The following CNTLN variants were observed in gnomAD, a reference collection of about 807,000 sequenced individuals.
CNTLN encodes the protein centlein, centrosomal protein.
Under a neutral mutation model 180.0 loss-of-function variants are expected in CNTLN, and 212 were observed. That is an observed-to-expected ratio of 1.18 (90% confidence interval 1.05 to 1.32). The LOEUF is 1.32. Ranked by LOEUF, CNTLN falls within the 40% of genes most tolerant of loss-of-function variation. CNTLN has a pLI of 0.00. For missense variants in CNTLN, 2,095 were observed against 1,610.9 expected, an observed-to-expected ratio of 1.30 and a Z score of -5.14; for synonymous variants, 722 against 563.1, an observed-to-expected ratio of 1.28 and a Z score of -3.99.
chr9:17,352,055 GT>G (rs1410099236), intron 12 of CNTLN, among the ~76,000 whole-genome samples: 2 of 151,986 alleles, frequency 1.3e-5, no homozygotes, highest in African/African-American at 4.8e-5. Flanking sequence ...TAGTAAAGGG[GT>G]TTTGAATTCA....
At chr9:17,446,784 A>G (rs1830450453) in intron 18 of CNTLN, among the ~76,000 whole-genome samples, 1 of 152,170 alleles carries the variant, frequency 6.6e-6, no homozygotes, top group African/African-American at 2.4e-5. Flanking sequence ...TTAGAGCAAT[A>G]AAATACCATA....
chr9:17,369,421 G>A (rs928978514), intron 13 of CNTLN, among the ~76,000 whole-genome samples: 18 of 151,958 alleles, frequency 1.2e-4, no homozygotes, highest in African/African-American at 4.1e-4. Context: ...TCAAACAAAC[G>A]AAATGAGGCA....
chr9:17,387,876 A>T (rs1825801972), intron 13 of CNTLN, among the ~76,000 whole-genome samples: 1 of 152,012 alleles, frequency 6.6e-6, no homozygotes, highest in Non-Finnish European at 1.5e-5. Flanking sequence ...TCTACAAAAG[A>T]ATGAAAATAG....
chr9:17,266,677 C>T (rs554790777), intron 5 of CNTLN, among the ~76,000 whole-genome samples: 1 of 152,092 alleles, frequency 6.6e-6, no homozygotes, highest in South Asian at 2.1e-4. Context: ...GAGTCTAAGT[C>T]TCTTTGTAGG....
intron 12 of CNTLN, among the ~76,000 whole-genome samples, chr9:17,356,475 C>T (rs1355400702): frequency 6.6e-6 from 1 of 152,146 alleles, no homozygotes; most frequent in South Asian, 2.1e-4. Flanking sequence ...GAGTCTGATG[C>T]AACATGACTT....
chr9:17,521,265 A>AAGAGAGAGAGGG, the CNTLN span, among the ~76,000 whole-genome samples: 123 of 118,606 alleles, frequency 1.0e-3, 1 homozygote, highest in Admixed American at 2.4e-3. Flanking sequence ...AAGGGAGAAA[A>AAGAGAGAGAGGG]AGAGAGAGAG....
the CNTLN span, among the ~76,000 whole-genome samples, chr9:17,517,512 TCAATA>T: frequency 1.3e-5 from 2 of 152,094 alleles, no homozygotes; most frequent in Non-Finnish European, 2.9e-5. Context: ...GAGCCCACAT[TCAATA>T]CCTAGTGTCC....
At chr9:17,426,124 G>T (rs1219581065) in intron 18 of CNTLN, among the ~76,000 whole-genome samples, 1 of 152,162 alleles carries the variant, frequency 6.6e-6, no homozygotes, top group Non-Finnish European at 1.5e-5. Context: ...AACCAGCTGG[G>T]TCTAAAGGAA....
chr9:17,370,669 C>T (rs1001460980), intron 13 of CNTLN, among the ~76,000 whole-genome samples: 20 of 151,878 alleles, frequency 1.3e-4, no homozygotes, highest in South Asian at 6.2e-4. Context: ...ATTGTAATAC[C>T]GTAACAGTGG....
chr9:17,158,273 A>G (rs1819438220), intron 2 of CNTLN, among the ~76,000 whole-genome samples: 2 of 152,022 alleles, frequency 1.3e-5, no homozygotes. Flanking sequence ...TAATTTTTTT[A>G]TATGTTCCCG....
chr9:17,509,126 T>C, the CNTLN span, among the ~76,000 whole-genome samples: 5 of 152,158 alleles, frequency 3.3e-5, no homozygotes, highest in East Asian at 5.8e-4. Flanking sequence ...GTGGCAGGGA[T>C]AGAAGTTATG....
At chr9:17,473,485 C>A (rs918689452) in intron 23 of CNTLN, among the ~76,000 whole-genome samples, 1 of 152,038 alleles carries the variant, frequency 6.6e-6, no homozygotes, top group Non-Finnish European at 1.5e-5. Context: ...GATTTTATCT[C>A]CTCATATTCG....
At chr9:17,460,551 T>A (rs1204161415) in intron 19 of CNTLN, among the ~76,000 whole-genome samples, 1 of 151,734 alleles carries the variant, frequency 6.6e-6, no homozygotes, top group East Asian at 1.9e-4. Flanking sequence ...TCTCTAGAGG[T>A]CTAAAGCAGG....
chr9:17,363,228 G>C (rs1044171207), intron 12 of CNTLN, among the ~76,000 whole-genome samples: 4 of 152,148 alleles, frequency 2.6e-5, no homozygotes, highest in Admixed American at 2.6e-4. Flanking sequence ...ATAATCCTCT[G>C]GGTATACCCA....
At chr9:17,227,543 A>G (rs997932417) in intron 3 of CNTLN, among the ~76,000 whole-genome samples, 1 of 151,946 alleles carries the variant, frequency 6.6e-6, no homozygotes, top group African/African-American at 2.4e-5. Context: ...CTTGGGAGGT[A>G]CCTTTTTGGC....
At chr9:17,500,616 C>T (rs1833695335) in intron 25 of CNTLN, among the ~76,000 whole-genome samples, 1 of 152,128 alleles carries the variant, frequency 6.6e-6, no homozygotes, top group Non-Finnish European at 1.5e-5. Flanking sequence ...GAGATCAGTG[C>T]CTGTTAGCCT....
chr9:17,401,486 C>T (rs939821493), intron 15 of CNTLN, among the ~76,000 whole-genome samples: 2 of 148,352 alleles, frequency 1.3e-5, no homozygotes, highest in Non-Finnish European at 2.9e-5. Context: ...CTACCTTCTA[C>T]CTCAGTCTCC....
intron 2 of CNTLN, among the ~76,000 whole-genome samples, chr9:17,155,705 G>T (rs974843896): frequency 2.6e-5 from 4 of 152,136 alleles, no homozygotes; most frequent in Admixed American, 6.5e-5. Context: ...TGGGCTCAGT[G>T]GGGGTGGGAC....
intron 2 of CNTLN, among the ~76,000 whole-genome samples, chr9:17,159,710 CA>C (rs2131578804): frequency 6.6e-6 from 1 of 152,050 alleles, no homozygotes; most frequent in East Asian, 1.9e-4. Flanking sequence ...TTCTTGGCTG[CA>C]GCTGTCTGGA....
Sources: gnomAD v4.1 joint callset for allele counts (sites outside exome capture counted in the v4.1 genomes callset) on GRCh38, gnomAD v4.1.1 for gene constraint, MANE v1.5 for transcripts, NCBI Gene and HGNC (gene_info 2026-07-23, HGNC 2026-07-21) for gene names.